Variants in NOCT observed in about 807,000 individuals in gnomAD.
NOCT encodes the protein CCR4 carbon catabolite repression 4-like.
In NOCT, 18 loss-of-function variants were observed where a neutral mutation model predicts 35.0. The ratio of observed to expected loss-of-function variants is 0.51; its 90% confidence interval spans 0.36 to 0.76. NOCT has a LOEUF of 0.76. NOCT is among the 30% of genes least tolerant of loss of function. The pLI, the probability that NOCT is intolerant of heterozygous loss-of-function variation, is 0.01. For synonymous variants in NOCT, 235 were observed against 226.3 expected, an observed-to-expected ratio of 1.04 and a Z score of -0.34; for missense variants, 479 against 541.0, an observed-to-expected ratio of 0.89 and a Z score of 1.14.
chr4:139,039,060 G>A (rs1726787028), intron 1 of NOCT, among the ~76,000 whole-genome samples: 1 of 150,830 alleles, frequency 6.6e-6, no homozygotes, highest in South Asian at 2.1e-4. Flanking sequence ...TAGCTTGTTG[G>A]GTGTGGTGGC....
chr4:139,019,268 C>G (rs767782979), intron 1 of NOCT, among the ~76,000 whole-genome samples: 2 of 152,232 alleles, frequency 1.3e-5, no homozygotes, highest in South Asian at 2.1e-4. Context: ...TGCCCGGGCT[C>G]GTCTCAAACT....
Position 139,043,277 on chromosome 4 carries a change from C to G in NOCT, c.394C>G (p.Leu132Val). Residue 132 changes from leucine to valine, a missense_variant, in exon 2 of 3, where the codon CTG (leucine) becomes GTG (valine). This residue lies in a region of NOCT where 265 missense variants were observed against 257.0 expected (regional missense o/e 1.03). Transcript: ENST00000280614. ...CCGGTTCCAGAGGGATTTTGTGGAT[C>G]TGAGGACAGATTGCCCTAGTACCCA... ...PPRFQRDFVD[L>V]RTDCPSTHPP... 6.2e-7 allele frequency: 1 copy of G among 1,614,168 alleles called. No homozygotes were observed. The highest frequency in any genetic ancestry group is 8.5e-7 in the Non-Finnish European group (1 of 1,180,012).
intron 1 of NOCT, among the ~76,000 whole-genome samples, chr4:139,020,065 G>T (rs1193519420): frequency 6.6e-6 from 1 of 152,182 alleles, no homozygotes; most frequent in Non-Finnish European, 1.5e-5. Flanking sequence ...AGCTGCTATG[G>T]AATAAATTGC....
At chr4:139,039,011 G>T in intron 1 of NOCT, among the ~76,000 whole-genome samples, 1 of 151,980 alleles carries the variant, frequency 6.6e-6, no homozygotes, top group East Asian at 1.9e-4. Context: ...GAGTGTGTGT[G>T]TACTTAACAA....
chr4:139,042,773 C>T (rs779282882), intron 1 of NOCT, among the ~76,000 whole-genome samples: 2 of 151,994 alleles, frequency 1.3e-5, no homozygotes, highest in East Asian at 1.9e-4. Context: ...AAATTAGCAG[C>T]GGGTAGAGGT....
At chr4:139,036,247 T>TC (rs1726736772) in intron 1 of NOCT, among the ~76,000 whole-genome samples, 1 of 152,140 alleles carries the variant, frequency 6.6e-6, no homozygotes, top group African/African-American at 2.4e-5. Flanking sequence ...ACCTTTTTTT[T>TC]CCTAGAGAGA....
At chr4:139,020,256 A>G (rs555501164) in intron 1 of NOCT, among the ~76,000 whole-genome samples, 8 of 152,338 alleles carry the variant, frequency 5.3e-5, no homozygotes, top group Admixed American at 3.3e-4. Flanking sequence ...TTTACCTAGA[A>G]CAAATGAATA....
Position 139,045,032 on chromosome 4 carries a change from C to T in NOCT, c.854C>T (p.Thr285Ile), listed in dbSNP as rs752491438. Residue 285 changes from threonine (T) to isoleucine (I), a missense_variant, in exon 3 of 3, where the codon ACC becomes ATC. Thr to Ile is a moderately conservative substitution (Grantham distance 89). Coordinates refer to ENST00000280614, the MANE Select transcript of NOCT (RefSeq NM_012118.4). Reference protein sequence around the residue: ...ESGRQFCIAVTHLKARTGWER... With the variant: ...ESGRQFCIAVIHLKARTGWER... ...GGCCGACAGTTCTGCATCGCTGTTA[C>T]CCATCTAAAAGCACGCACTGGCTGG... 3 of 1,614,226 alleles carry T rather than the reference C, an allele frequency of 1.9e-6. No homozygotes were observed. Among genetic ancestry groups the T allele is most frequent in the Non-Finnish European group, 2.5e-6 (3 of 1,180,046 alleles).
At chr4:139,016,853 C>T in intron 1 of NOCT, among the ~76,000 whole-genome samples, 1 of 151,640 alleles carries the variant, frequency 6.6e-6, no homozygotes, top group East Asian at 1.9e-4. Context: ...GGGGGTTTCA[C>T]CATTTTGGCC....
rs138043126 is a variant in NOCT at position 139,037,954 on chromosome 4, C to G, written c.191-5120C>G. Among the ~76,000 whole-genome samples the G allele has an allele frequency of 1.9e-3, 293 of 150,570 alleles. 1 individual carries two copies. The highest frequency in any genetic ancestry group is 6.6e-3 in the African/African-American group (269 of 40,988). ...GGTGGCTCACGCCTATAATTCCCAG[C>G]ACTTTGGGAGGCCAAGGTGGGTGGA... is the stretch of plus-strand genomic sequence containing the variant. On this transcript the variant is annotated intron_variant, in intron 1 of 2. Transcript: ENST00000280614.
chr4:139,036,050 G>A (rs753036820), intron 1 of NOCT, among the ~76,000 whole-genome samples: 5 of 151,850 alleles, frequency 3.3e-5, no homozygotes, highest in Non-Finnish European at 7.4e-5. Flanking sequence ...TACCTTTTCC[G>A]TTTATTTTTC....
intron 1 of NOCT, among the ~76,000 whole-genome samples, chr4:139,040,957 A>G (rs1726824806): frequency 1.3e-5 from 2 of 151,864 alleles, no homozygotes; most frequent in Middle Eastern, 3.5e-3. Flanking sequence ...ACTGCCAGCC[A>G]TGAAGAAAAT....
chr4:139,045,776 ATGTT>A lies in NOCT; in HGVS notation c.*304_*307del, dbSNP rs1726929116. 4.5e-6 allele frequency: 1 copy of A among 219,786 alleles called. No individual in the cohort carries two copies. Among genetic ancestry groups the A allele is most frequent in the African/African-American group, 2.3e-5 (1 of 43,836 alleles). The allele number at this position is 219,786 out of a possible 1,614,324, so 13.6% of individuals were successfully genotyped here. A position where few individuals can be genotyped will look rare whatever the true frequency, so the allele number is the denominator to read the frequency against. ...TGAATCACAAGAGTCTTAACAGGGAATGTTTCAGGAAACAAATAGGATAAGACAA... is the reference window on the plus strand; with the variant it reads ...TGAATCACAAGAGTCTTAACAGGGAATCAGGAAACAAATAGGATAAGACAA... On this transcript the variant is annotated 3_prime_UTR_variant, in exon 3 of 3. Coordinates refer to ENST00000280614, the MANE Select transcript of NOCT (RefSeq NM_012118.4).
chr4:139,041,094 C>T (rs1178417379), intron 1 of NOCT, among the ~76,000 whole-genome samples: 2 of 152,104 alleles, frequency 1.3e-5, no homozygotes, highest in Non-Finnish European at 2.9e-5. Flanking sequence ...GCACACACAC[C>T]TGCTATGTTT....
rs1726919640 is a variant in NOCT, at chr4:139,045,507, CTATTTTT to C, written c.*35_*41del. 4 of 411,802 alleles carry C rather than the reference CTATTTTT, an allele frequency of 9.7e-6. No homozygotes were observed. Among genetic ancestry groups the C allele is most frequent in the Non-Finnish European group, 1.2e-5 (3 of 259,082 alleles). The allele number at this position is 411,802 out of a possible 1,614,324, so 25.5% of individuals were successfully genotyped here. A position where few individuals can be genotyped will look rare whatever the true frequency, so the allele number is the denominator to read the frequency against. On this transcript the variant is annotated 3_prime_UTR_variant, in exon 3 of 3. Coordinates refer to ENST00000280614, the MANE Select transcript of NOCT (RefSeq NM_012118.4). ...CTTTTGTCTTTTTAATCACAGGAGT[CTATTTTT>C]TTTTTTTTTTTTTTTTTTTTGAGAC...
At chr4:139,020,523 A>G (rs1479109329) in intron 1 of NOCT, among the ~76,000 whole-genome samples, 1 of 152,230 alleles carries the variant, frequency 6.6e-6, no homozygotes, top group Non-Finnish European at 1.5e-5. Flanking sequence ...TGTGGCAAGC[A>G]TCTTAGGAAA....
chr4:139,037,457 A>G (rs879435200), intron 1 of NOCT, among the ~76,000 whole-genome samples: 2 of 152,098 alleles, frequency 1.3e-5, no homozygotes, highest in Non-Finnish European at 2.9e-5. Context: ...TTTTGTAGAG[A>G]CAGGGTCTCA....
At chr4:139,024,148 A>G (rs1726473349) in intron 1 of NOCT, among the ~76,000 whole-genome samples, 1 of 145,932 alleles carries the variant, frequency 6.9e-6, no homozygotes, top group Admixed American at 6.9e-5. Context: ...GTAACCTCCA[A>G]CTCCTGGGCT....
intron 1 of NOCT, among the ~76,000 whole-genome samples, chr4:139,016,628 T>A: frequency 6.7e-6 from 1 of 150,226 alleles, no homozygotes. Context: ...AACACATTGA[T>A]TCGTTTTACG....
Sources: allele counts gnomAD v4.1 joint callset (sites outside exome capture counted in the v4.1 genomes callset), GRCh38; gene constraint gnomAD v4.1.1; regional missense constraint gnomAD v4.1.1; transcripts MANE v1.5; gene names NCBI Gene and HGNC (gene_info 2026-07-23, HGNC 2026-07-21).